ETV6: variants seen among roughly 807,000 people sequenced by gnomAD.
ETV6 encodes transcription factor ETV6.
A neutral mutation model predicts 51.1 loss-of-function variants in ETV6; 16 were observed. The observed-to-expected ratio is 0.31, with a 90% CI of 0.21 to 0.48. The LOEUF is 0.48. Ranked by LOEUF, ETV6 falls within the 20% of genes least tolerant of loss-of-function variation. The pLI is 0.99. For missense variants in ETV6, 458 were observed against 594.8 expected (o/e 0.77, Z 2.39); for synonymous variants, 240 against 224.1 (o/e 1.07, Z -0.64).
intron 1 of ETV6, among the ~76,000 whole-genome samples, chr12:11,725,861 A>C (rs1347216409): frequency 7.9e-5 from 12 of 152,222 alleles, no homozygotes; most frequent in Non-Finnish European, 1.5e-4. Flanking sequence ...GAGTGGAAGC[A>C]GCCTGAGGTC....
intron 2 of ETV6, among the ~76,000 whole-genome samples, chr12:11,795,617 C>T (rs1209738669): frequency 6.6e-6 from 1 of 152,252 alleles, no homozygotes; most frequent in Non-Finnish European, 1.5e-5. Flanking sequence ...CTTCTGTCCA[C>T]ATCGATTTCA....
chr12:11,735,086 C>CTT (rs58797937), intron 1 of ETV6, among the ~76,000 whole-genome samples: 22,916 of 76,158 alleles, frequency 0.3, 7,287 homozygotes, highest in Non-Finnish European at 0.33. Context: ...GCAAGGTGGC[C>CTT]TTTTTTTTTT....
At chr12:11,798,481 A>T (rs1293193259) in intron 2 of ETV6, among the ~76,000 whole-genome samples, 2 of 152,162 alleles carry the variant, frequency 1.3e-5, no homozygotes, top group African/African-American at 4.8e-5. Flanking sequence ...AAGCAACACA[A>T]ATGTGAAATA....
At chr12:11,806,158 C>T (rs1945827440) in intron 2 of ETV6, among the ~76,000 whole-genome samples, 1 of 152,190 alleles carries the variant, frequency 6.6e-6, no homozygotes, top group African/African-American at 2.4e-5. Flanking sequence ...AATTCTATTG[C>T]TCTTGCGTCT....
intron 1 of ETV6, among the ~76,000 whole-genome samples, chr12:11,674,228 C>G (rs1236044255): frequency 6.6e-6 from 1 of 152,072 alleles, no homozygotes; most frequent in Non-Finnish European, 1.5e-5. Flanking sequence ...TCGTTAGTTC[C>G]ATAGGCCATG....
chr12:11,794,095 C>G (rs1211985498), intron 2 of ETV6, among the ~76,000 whole-genome samples: 1 of 152,148 alleles, frequency 6.6e-6, no homozygotes, highest in Non-Finnish European at 1.5e-5. Flanking sequence ...CCCGCTGAAT[C>G]CTGCTTTCTT....
At chr12:11,771,814 A>G (rs1390937104) in intron 2 of ETV6, among the ~76,000 whole-genome samples, 1 of 152,194 alleles carries the variant, frequency 6.6e-6, no homozygotes, top group Non-Finnish European at 1.5e-5. Context: ...AATTCATACA[A>G]AGTTTAATCA....
chr12:11,886,094 G>A (rs375292523), intron 7 of ETV6, 68 bp downstream of exon 7: 2 of 1,139,996 alleles, frequency 1.8e-6, no homozygotes, highest in African/African-American at 3.1e-5. Flanking sequence ...ACGGGGAGTG[G>A]GGGGAGACTG....
chr12:11,837,735 C>G, intron 2 of ETV6, among the ~76,000 whole-genome samples: 1 of 152,200 alleles, frequency 6.6e-6, no homozygotes, highest in Non-Finnish European at 1.5e-5. Context: ...AACACTGATG[C>G]CATTGCTCTG....
chr12:11,757,685 C>G (rs1022879893), intron 2 of ETV6, among the ~76,000 whole-genome samples: 3 of 152,158 alleles, frequency 2.0e-5, no homozygotes, highest in African/African-American at 7.2e-5. Flanking sequence ...TAGGAGAAAA[C>G]ATAATGACAT....
At chr12:11,828,235 T>C (rs1946188873) in intron 2 of ETV6, among the ~76,000 whole-genome samples, 1 of 152,194 alleles carries the variant, frequency 6.6e-6, no homozygotes, top group Non-Finnish European at 1.5e-5. Context: ...AGTTGCCTCA[T>C]TGTACGTAAA....
At chr12:11,688,789 G>T (rs1056738767) in intron 1 of ETV6, among the ~76,000 whole-genome samples, 1 of 152,188 alleles carries the variant, frequency 6.6e-6, no homozygotes, top group Non-Finnish European at 1.5e-5. Flanking sequence ...GGTCCCAGGG[G>T]CTGCTTAGAA....
In ETV6 at chr12:11,884,451, G is replaced by A. The variant is rs2136595189; in HGVS notation, c.1016G>A (p.Arg339Lys). 1 of 1,614,192 alleles carries A rather than the reference G, an allele frequency of 6.2e-7. No individual in the cohort carries two copies. Among genetic ancestry groups the A allele is most frequent in the Non-Finnish European group, 8.5e-7 (1 of 1,180,034 alleles). Reference sequence around the variant, plus strand: ...TTGCCCTTTTCCTCTGTAGACTGTAGACTGCTTTGGGATTACGTCTATCAG... The same window carrying A: ...TTGCCCTTTTCCTCTGTAGACTGTAAACTGCTTTGGGATTACGTCTATCAG... ...AMPIGRIADCRLLWDYVYQLL... is the reference protein window; with the variant it reads ...AMPIGRIADCKLLWDYVYQLL... The change falls in exon 6 of 8, where the codon AGA (arginine) becomes AAA (lysine). Residue 339 changes from arginine to lysine, a missense_variant. Physicochemically the swap from Arg to Lys is conservative, Grantham distance 26 (BLOSUM62 2). Transcript: ENST00000396373.
In ETV6 at chr12:11,731,397, AG is replaced by A. The variant is rs146250273; in HGVS notation, c.34-21052del. ...TACGTACTCAAAATTTCATGTAGTAAGAATGCAGGATGCTTATGGAGAAAAG... is the reference window on the plus strand; with the variant it reads ...TACGTACTCAAAATTTCATGTAGTAAAATGCAGGATGCTTATGGAGAAAAG... On this transcript the variant is annotated intron_variant, in intron 1 of 7. Coordinates refer to ENST00000396373, the MANE Select transcript of ETV6 (RefSeq NM_001987.5). Among the ~76,000 whole-genome samples, 1,382 of 152,318 alleles carry A rather than the reference AG, an allele frequency of 9.1e-3. 25 individuals are homozygous for A. Among genetic ancestry groups the A allele is most frequent in the African/African-American group, 0.032 (1,311 of 41,562 alleles).
At chr12:11,763,285 C>G (rs1307635846) in intron 2 of ETV6, among the ~76,000 whole-genome samples, 7 of 152,202 alleles carry the variant, frequency 4.6e-5, no homozygotes, top group Non-Finnish European at 1.5e-5. Context: ...ACAACTCTGT[C>G]AAGCATTTTT....
In ETV6 at chr12:11,869,383, A is replaced by C. The variant is rs200679306; in HGVS notation, c.464-41A>C. On this transcript the variant is annotated intron_variant, in intron 4 of 7. Coordinates refer to ENST00000396373, the MANE Select transcript of ETV6 (RefSeq NM_001987.5). This position sits in a 1 kb window ranked among gnomAD's most constrained non-coding sequence, Gnocchi z 5.0. ...CCGCAGGGAGTTTCCTGTCCTGCCA[A>C]CTCACTGGGGTCTGTGATTGTCTTT... The C allele has an allele frequency of 9.0e-6, 14 of 1,562,178 alleles. No homozygotes were observed. In the South Asian group the frequency reaches 1.3e-4, roughly 15 times the overall value.
rs1321054008 is a variant in ETV6, at chr12:11,738,325, TTTTA to T, written c.34-14124_34-14121del. 5.1e-3 allele frequency among the ~76,000 whole-genome samples: 526 copies of T among 102,838 alleles called. 4 individuals are homozygous for T. Among genetic ancestry groups the T allele is most frequent in the African/African-American group, 0.015 (485 of 31,568 alleles). 67.5% of individuals were successfully genotyped at this position (102,838 alleles called of 152,430 possible). ...GTTTTTGCTTTTTTTTTTTTTTTTT[TTTTA>T]AATTTGAGACAGGGTCTTGCTCAGT... On this transcript the variant is annotated intron_variant, in intron 1 of 7. Transcript: ENST00000396373.
At chr12:11,746,018 C>T (rs1397139393) in intron 1 of ETV6, among the ~76,000 whole-genome samples, 2 of 152,104 alleles carry the variant, frequency 1.3e-5, no homozygotes, top group African/African-American at 2.4e-5. Flanking sequence ...GATAGAGTCC[C>T]CTTCCGTCAG....
chr12:11,796,338 G>A (rs1278203916), intron 2 of ETV6, among the ~76,000 whole-genome samples: 1 of 152,176 alleles, frequency 6.6e-6, no homozygotes, highest in East Asian at 1.9e-4. Flanking sequence ...GTATTTACCT[G>A]TTATGTGCCA....
Sources: allele counts gnomAD v4.1 joint callset (sites outside exome capture counted in the v4.1 genomes callset), GRCh38; gene constraint gnomAD v4.1.1; non-coding constraint Gnocchi (gnomAD v3.1); transcripts MANE v1.5; gene names NCBI Gene and HGNC (gene_info 2026-07-23, HGNC 2026-07-21).